NPAT: variants seen among roughly 807,000 people sequenced by gnomAD.
The protein encoded by NPAT is protein NPAT.
Under a neutral mutation model 130.7 loss-of-function variants are expected in NPAT, and 52 were observed. The observed-to-expected ratio is 0.40, with a 90% confidence interval of 0.32 to 0.50. The LOEUF (loss-of-function observed/expected upper bound fraction) is 0.50. Among genes scored for constraint, NPAT ranks in the 20% least tolerant of loss-of-function variants. The pLI, the probability that NPAT is intolerant of heterozygous loss-of-function variation, is 0.68. For synonymous variants in NPAT, 580 were observed against 584.8 expected, an observed-to-expected ratio of 0.99 and a Z score of 0.12; for missense variants, 1,687 against 1,662.6, an observed-to-expected ratio of 1.01 and a Z score of -0.26.
chr11:108,172,504 G>A lies in NPAT; in HGVS notation c.2480C>T (p.Thr827Ile), dbSNP rs372594394. ...FKSEDSAVNN[T>I]QNEDGIAFSA... is the part of the protein sequence containing the mutation. ...AAAAGCAATGCCATCTTCATTCTGAGTATTGTTTACTGCAGAGTCTTCAGA... is the reference window on the plus strand; with the variant it reads ...AAAAGCAATGCCATCTTCATTCTGAATATTGTTTACTGCAGAGTCTTCAGA... The change falls in exon 13 of 18, where the codon ACT becomes ATT. Residue 827 changes from threonine to isoleucine, a missense_variant. Physicochemically the swap from Thr to Ile is moderately conservative, Grantham distance 89. Around this residue, in one of 3 missense-constraint regions of NPAT, gnomAD observed 1,379 missense variants for 1,346.6 expected, o/e 1.02. Transcript: ENST00000278612. 78 of 1,614,036 alleles carry A rather than the reference G, an allele frequency of 4.8e-5. 1 individual carries two copies. The Middle Eastern group carries it at 6.6e-4, about 14-fold the overall frequency.
At chr11:108,199,438 G>A (rs2078254317) in intron 1 of NPAT, among the ~76,000 whole-genome samples, 2 of 152,256 alleles carry the variant, frequency 1.3e-5, no homozygotes, top group Non-Finnish European at 2.9e-5. Context: ...ACAGGCCACA[G>A]AGATGCTGGA....
chr11:108,172,109 A>T (rs758055943), intron 13 of NPAT, 90 bp downstream of exon 13: 5 of 1,047,136 alleles, frequency 4.8e-6, no homozygotes, highest in Non-Finnish European at 7.5e-6. Flanking sequence ...TCTACTCATT[A>T]GTTATTACTT....
intron 10 of NPAT, among the ~76,000 whole-genome samples, chr11:108,179,942 C>T (rs769349546): frequency 1.2e-4 from 19 of 152,122 alleles, no homozygotes; most frequent in Admixed American, 3.3e-4. Flanking sequence ...AAAACCTATG[C>T]GGATCAAAGA....
rs544769176 is a variant in NPAT, at chr11:108,205,731, C to G, written c.38-8311G>C. Among the ~76,000 whole-genome samples the G allele has an allele frequency of 1.1e-4, 17 of 152,258 alleles. No individual in the cohort carries two copies. The South Asian group carries it at 1.9e-3, about 17-fold the overall frequency. On this transcript the variant is annotated intron_variant, in intron 1 of 17. Transcript: ENST00000278612. Reference sequence around the variant, plus strand: ...AAAATGAGATGATACTGGAGAGTAACTTGATAACAACATAATATAAAGCAG... The same window carrying G: ...AAAATGAGATGATACTGGAGAGTAAGTTGATAACAACATAATATAAAGCAG...
rs187998789 is a variant in NPAT, at chr11:108,173,787, C to G, written c.1197G>C (p.Leu399Phe). ...SYQNDDPLNA[L>F]KNSNNHDVLR... ...GCACATCATGGTTGTTGCTATTCTT[C>G]AAAGCATTTAATGGGTCATCATTCT... The change falls in exon 13 of 18, where the codon TTG becomes TTC. Residue 399 changes from leucine to phenylalanine, a missense_variant. By Grantham distance (22) the Leu-to-Phe change is conservative. Transcript: ENST00000278612. 2 of 1,614,020 alleles carry G rather than the reference C, an allele frequency of 1.2e-6. No individual in the cohort carries two copies. The highest frequency in any genetic ancestry group is 2.2e-5 in the East Asian group (1 of 44,888).
chr11:108,171,099 C>A (rs550152005), intron 13 of NPAT: 1 of 151,322 alleles, frequency 6.6e-6, no homozygotes, highest in South Asian at 2.1e-4. Context: ...GCAATAAATG[C>A]CACAAGAGCC....
intron 1 of NPAT, among the ~76,000 whole-genome samples, chr11:108,221,409 A>G (rs2134915001): frequency 6.6e-6 from 1 of 152,342 alleles, no homozygotes; most frequent in East Asian, 1.9e-4. Flanking sequence ...TTCTTAAGCA[A>G]AAGATTAATC....
At position 108,161,162 on chromosome 11, in the gene NPAT, A is replaced by G. The variant is rs2077843695; in HGVS notation, c.3924T>C (p.Pro1308=). Residue 1308 remains proline, a synonymous_variant, in exon 17 of 18, where the codon CCT becomes CCC. Coordinates refer to ENST00000278612, the MANE Select transcript of NPAT (RefSeq NM_002519.3). The part of the protein sequence containing the change: ...DSSTSKVMVP[P]VTPDLPACSP... ...TGCAGGCAGGCAAGTCTGGGGTGAC[A>G]GGAGGGACCATTACTTTTGATGTAC... The G allele has an allele frequency of 8.1e-6, 13 of 1,614,036 alleles. No individual in the cohort carries two copies. Among genetic ancestry groups the G allele is most frequent in the Non-Finnish European group, 1.0e-5 (12 of 1,180,032 alleles).
Position 108,188,084 on chromosome 11 carries a change from T to G in NPAT, c.638+14A>C. ...ATGGATACGGGTAACTTGTCTCTTT[T>G]AAAAAGCATTTACCTTTTGCGTCTA... On this transcript the variant is annotated intron_variant, in intron 7 of 17. Transcript: ENST00000278612. The G allele has an allele frequency of 6.3e-7, 1 of 1,596,654 alleles. No homozygotes were observed. The highest frequency in any genetic ancestry group is 1.7e-5 in the Admixed American group (1 of 59,970).
rs1565322766 is a variant in NPAT, at chr11:108,197,427, A to G, written c.38-7T>C. On this transcript the variant is annotated splice_polypyrimidine_tract_variant and splice_region_variant and intron_variant, in intron 1 of 17. Transcript: ENST00000278612. Reference sequence around the variant, plus strand: ...TTTTCTTGCTGTAAGTAACCTAAATAAAAAATAAAAGTTTAGGTACTTATA... The same window carrying G: ...TTTTCTTGCTGTAAGTAACCTAAATGAAAAATAAAAGTTTAGGTACTTATA... The G allele has an allele frequency of 3.9e-6, 6 of 1,546,506 alleles. No individual in the cohort carries two copies. Among genetic ancestry groups the G allele is most frequent in the East Asian group, 2.2e-5 (1 of 44,562 alleles).
At chr11:108,215,775 C>T (rs1275737538) in intron 1 of NPAT, among the ~76,000 whole-genome samples, 1 of 152,198 alleles carries the variant, frequency 6.6e-6, no homozygotes, top group African/African-American at 2.4e-5. Context: ...TGTTTTCCAA[C>T]CTCTTGCTAA....
chr11:108,170,831 A>G (rs1431815524), intron 13 of NPAT, among the ~76,000 whole-genome samples: 1 of 152,176 alleles, frequency 6.6e-6, no homozygotes, highest in East Asian at 1.9e-4. Context: ...CACATTCTCT[A>G]TTAATTCTGA....
intron 1 of NPAT, among the ~76,000 whole-genome samples, chr11:108,217,863 A>G (rs2078448364): frequency 6.6e-6 from 1 of 152,014 alleles, no homozygotes; most frequent in Non-Finnish European, 1.5e-5. Flanking sequence ...CGTGGTGGTG[A>G]GCGCCTGTAA....
At chr11:108,184,172 A>C (rs535704927) in intron 10 of NPAT, among the ~76,000 whole-genome samples, 2 of 152,226 alleles carry the variant, frequency 1.3e-5, no homozygotes, top group African/African-American at 4.8e-5. Flanking sequence ...CTTTTTAAAA[A>C]GGTCTTGCTC....
In NPAT at chr11:108,195,252, T is replaced by A. The variant is rs1376102721; in HGVS notation, c.157-1235A>T. ...GAGTACATGCATAATCATATAATCA[T>A]GTCATAATCATGTCAAACTGTTTTC... On this transcript the variant is annotated intron_variant, in intron 2 of 17. Coordinates refer to ENST00000278612, the MANE Select transcript of NPAT (RefSeq NM_002519.3). Among the ~76,000 whole-genome samples, 5 of 151,988 alleles carry A rather than the reference T, an allele frequency of 3.3e-5. No homozygotes were observed. In the South Asian group the frequency reaches 1.0e-3, roughly 31 times the overall value.
intron 1 of NPAT, among the ~76,000 whole-genome samples, chr11:108,205,486 T>C (rs1458136381): frequency 1.3e-5 from 2 of 152,162 alleles, no homozygotes; most frequent in Non-Finnish European, 2.9e-5. Context: ...TAGATAGGTC[T>C]TGAACTCCTA....
chr11:108,197,450 A>C, intron 1 of NPAT, 30 bp from the exon 2 acceptor site: 2 of 1,368,252 alleles, frequency 1.5e-6, no homozygotes, highest in South Asian at 2.3e-5. Context: ...TTAGGTACTT[A>C]TACTAAATTC....
chr11:108,193,770 CA>C, intron 3 of NPAT, among the ~76,000 whole-genome samples, 186 bp downstream of exon 3: 1 of 151,810 alleles, frequency 6.6e-6, no homozygotes, highest in Middle Eastern at 3.4e-3. Flanking sequence ...AAAAACAAAA[CA>C]AAACAAAAAA....
intron 4 of NPAT, 139 bp from the exon 5 acceptor site, chr11:108,190,639 C>T (rs1350454894): frequency 1.3e-6 from 1 of 747,550 alleles, no homozygotes; most frequent in African/African-American, 1.7e-5. Context: ...GACAAACACA[C>T]ACATTTTTTG....
Sources: allele counts gnomAD v4.1 joint callset (sites outside exome capture counted in the v4.1 genomes callset), GRCh38; gene constraint gnomAD v4.1.1; regional missense constraint gnomAD v4.1.1; transcripts MANE v1.5; gene names NCBI Gene and HGNC (gene_info 2026-07-23, HGNC 2026-07-21).